PREP: variants seen among roughly 807,000 people sequenced by gnomAD.
PREP encodes dJ355L5.1 (prolyl endopeptidase).
In PREP, 29 loss-of-function variants were observed where a neutral mutation model predicts 87.6. The ratio of observed to expected loss-of-function variants is 0.33; its 90% CI spans 0.25 to 0.45. The LOEUF (loss-of-function observed/expected upper bound fraction) is 0.45. Among genes scored for constraint, PREP ranks in the 20% least tolerant of loss-of-function variants. PREP has a pLI of 1.00. For missense variants in PREP, 695 were observed against 886.5 expected, an observed-to-expected ratio of 0.78 and a Z score of 2.74; for synonymous variants, 337 against 328.6, an observed-to-expected ratio of 1.03 and a Z score of -0.28.
intron 7 of PREP, among the ~76,000 whole-genome samples, chr6:105,345,980 AT>A (rs1771786803): frequency 6.6e-6 from 1 of 152,226 alleles, no homozygotes; most frequent in African/African-American, 2.4e-5. Flanking sequence ...TAAAATTAGT[AT>A]AAATACTCAT....
At chr6:105,393,600 A>G (rs1773215837) in intron 2 of PREP, among the ~76,000 whole-genome samples, 1 of 152,232 alleles carries the variant, frequency 6.6e-6, no homozygotes, top group South Asian at 2.1e-4. Context: ...CAGTAGATAC[A>G]TTATGCAAGC....
intron 10 of PREP, among the ~76,000 whole-genome samples, chr6:105,311,090 C>T (rs939906182): frequency 2.0e-5 from 3 of 152,222 alleles, no homozygotes; most frequent in Non-Finnish European, 4.4e-5. Flanking sequence ...ACCAGCCCAC[C>T]TTGTCCACAG....
chr6:105,305,896 A>G (rs939529560), intron 10 of PREP, among the ~76,000 whole-genome samples: 5 of 151,578 alleles, frequency 3.3e-5, no homozygotes, highest in Non-Finnish European at 7.4e-5. Context: ...GCTGGAGTAC[A>G]GTGGTACAAT....
Position 105,333,359 on chromosome 6 carries a change from A to T in PREP, c.970T>A (p.Ser324Thr), listed in dbSNP as rs549379897. The change falls in exon 8 of 15, where the codon TCT becomes ACT. Residue 324 changes from serine to threonine, a missense_variant. Around this residue, in one of 5 missense-constraint regions of PREP, gnomAD observed 517 missense variants for 620.3 expected, o/e 0.83. Coordinates refer to ENST00000652536, the MANE Select transcript of PREP (RefSeq NM_002726.5). ...TCAGGAACAAGTACTTTCCACTTAGACTCTTCAGGATCCCTGAAGTCAATG... is the reference window on the plus strand; with the variant it reads ...TCAGGAACAAGTACTTTCCACTTAGTCTCTTCAGGATCCCTGAAGTCAATG... ...INIDFRDPEE[S>T]KWKVLVPEHE... is the part of the protein sequence containing the mutation. 1 of 1,613,978 alleles carries T rather than the reference A, an allele frequency of 6.2e-7. No homozygotes were observed. The highest frequency in any genetic ancestry group is 1.7e-5 in the Admixed American group (1 of 60,000).
chr6:105,300,987 AAAATC>A (rs1397622306), intron 10 of PREP, among the ~76,000 whole-genome samples: 1 of 152,250 alleles, frequency 6.6e-6, no homozygotes, highest in Non-Finnish European at 1.5e-5. Flanking sequence ...ATTTAGTAAT[AAAATC>A]AATTGTGTTA....
At chr6:105,383,745 C>T (rs1016245063) in intron 2 of PREP, among the ~76,000 whole-genome samples, 1 of 152,180 alleles carries the variant, frequency 6.6e-6, no homozygotes, top group East Asian at 1.9e-4. Flanking sequence ...AAGCAGAAAC[C>T]GTCACTCCGA....
chr6:105,302,299 G>A (rs1238080071), intron 10 of PREP, among the ~76,000 whole-genome samples: 1 of 152,240 alleles, frequency 6.6e-6, no homozygotes, highest in Non-Finnish European at 1.5e-5. Flanking sequence ...GCTCCTGCAT[G>A]AGAACCACAT....
At chr6:105,321,049 T>C (rs1341545124) in intron 10 of PREP, among the ~76,000 whole-genome samples, 3 of 152,236 alleles carry the variant, frequency 2.0e-5, no homozygotes, top group African/African-American at 4.8e-5. Context: ...TACAAGTCAA[T>C]GATGTTGTGA....
At chr6:105,369,096 G>C (rs1772471458) in intron 5 of PREP, 72 bp from the exon 6 acceptor site, 1 of 1,529,734 alleles carries the variant, frequency 6.5e-7, no homozygotes, top group African/African-American at 1.4e-5. Flanking sequence ...CCATATTGCA[G>C]AATGCTAGAC....
intron 6 of PREP, among the ~76,000 whole-genome samples, chr6:105,355,580 TGTA>T (rs1772076776): frequency 6.6e-6 from 1 of 152,226 alleles, no homozygotes; most frequent in African/African-American, 2.4e-5. Context: ...CAGGCTTTGA[TGTA>T]GTACCCTGCT....
rs1015737925 is a variant in PREP, at chr6:105,351,504, C to G, written c.823+1468G>C. Among the ~76,000 whole-genome samples, 11 of 152,098 alleles carry G rather than the reference C, an allele frequency of 7.2e-5. No individual in the cohort carries two copies. The East Asian group carries it at 2.1e-3, about 29-fold the overall frequency. ...TGGGTTGCAGGGGAAAGATAAGGAC[C>G]GAGAGGTTGGGGGAAAACAAAGAGG... On this transcript the variant is annotated intron_variant, in intron 7 of 14. Transcript: ENST00000652536.
intron 5 of PREP, 118 bp downstream of exon 5, chr6:105,373,251 T>C: frequency 1.8e-6 from 2 of 1,117,406 alleles, no homozygotes; most frequent in Non-Finnish European, 1.3e-6. Context: ...CAACATCCTT[T>C]GAGGAAACAT....
chr6:105,305,456 A>G (rs778447208), intron 10 of PREP, among the ~76,000 whole-genome samples: 1 of 152,104 alleles, frequency 6.6e-6, no homozygotes, highest in African/African-American at 2.4e-5. Context: ...TGTTTTGCAA[A>G]GAGGTGGTCA....
At chr6:105,297,753 T>A (rs1770438789) in intron 10 of PREP, among the ~76,000 whole-genome samples, 1 of 152,224 alleles carries the variant, frequency 6.6e-6, no homozygotes, top group Admixed American at 6.5e-5. Context: ...GAGCCCTGTC[T>A]TCCTTCTTCT....
chr6:105,333,221 T>A, intron 8 of PREP, 93 bp downstream of exon 8: 1 of 1,258,492 alleles, frequency 7.9e-7, no homozygotes, highest in African/African-American at 1.5e-5. Flanking sequence ...TTTTTTACCT[T>A]GTAACAGATC....
At chr6:105,306,298 T>G (rs1035332039) in intron 10 of PREP, among the ~76,000 whole-genome samples, 6 of 152,206 alleles carry the variant, frequency 3.9e-5, no homozygotes, top group African/African-American at 1.4e-4. Flanking sequence ...CTGATGATTA[T>G]GAAGCACTGG....
At chr6:105,300,992 CAATT>C (rs557116474) in intron 10 of PREP, among the ~76,000 whole-genome samples, 1 of 152,166 alleles carries the variant, frequency 6.6e-6, no homozygotes, top group African/African-American at 2.4e-5. Flanking sequence ...GTAATAAAAT[CAATT>C]GTGTTAAGAC....
chr6:105,352,429 G>A lies in PREP; in HGVS notation c.823+543C>T, dbSNP rs1265160464. ...CAAACACAGGCTGTTCTTTTCCTAA[G>A]TACTGAGGGCCACTCTACTGATTAC... On this transcript the variant is annotated intron_variant, in intron 7 of 14. Transcript: ENST00000652536. Among the ~76,000 whole-genome samples, 7 of 152,314 alleles carry A rather than the reference G, an allele frequency of 4.6e-5. No individual in the cohort carries two copies. The South Asian group carries it at 1.2e-3, about 27-fold the overall frequency.
intron 2 of PREP, among the ~76,000 whole-genome samples, chr6:105,394,516 G>A (rs532910687): frequency 2.0e-5 from 3 of 152,268 alleles, no homozygotes; most frequent in African/African-American, 7.2e-5. Context: ...TGATAGAAGA[G>A]AAAATAGAAT....
Sources: gnomAD v4.1 joint callset for allele counts (sites outside exome capture counted in the v4.1 genomes callset) on GRCh38, gnomAD v4.1.1 for gene constraint, gnomAD v4.1.1 regional missense constraint, MANE v1.5 for transcripts, NCBI Gene and HGNC (gene_info 2026-07-23, HGNC 2026-07-21) for gene names.